Variants in DYNC1I1 observed in about 807,000 individuals in gnomAD.
DYNC1I1 encodes cytoplasmic dynein 1 intermediate chain 1.
A neutral mutation model predicts 86.6 loss-of-function variants in DYNC1I1; 43 were observed. That is an observed-to-expected ratio of 0.50 (90% CI 0.39 to 0.64). The LOEUF is 0.64. Ranked by LOEUF, DYNC1I1 falls within the 30% of genes least tolerant of loss-of-function variation. The probability of loss-of-function intolerance (pLI) is 0.00; values close to 1 mark genes in which losing one functional copy is unlikely to be tolerated. For missense variants in DYNC1I1, 604 were observed against 788.8 expected (o/e 0.77, Z 2.81); for synonymous variants, 262 against 283.7 (o/e 0.92, Z 0.77).
intron 14 of DYNC1I1, among the ~76,000 whole-genome samples, chr7:96,052,923 TCTC>T (rs1292358056): frequency 2.0e-5 from 3 of 152,120 alleles, no homozygotes; most frequent in African/African-American, 4.8e-5. Context: ...CATCTTACCT[TCTC>T]CTCAGTATTT....
chr7:95,843,732 A>G (rs894261169), intron 5 of DYNC1I1, among the ~76,000 whole-genome samples: 1 of 152,224 alleles, frequency 6.6e-6, no homozygotes, highest in African/African-American at 2.4e-5. Context: ...AAAATTGTAA[A>G]TAAAATGAGA....
chr7:95,888,545 A>T (rs1364276419), intron 6 of DYNC1I1, among the ~76,000 whole-genome samples: 1 of 152,324 alleles, frequency 6.6e-6, no homozygotes, highest in African/African-American at 2.4e-5. Context: ...CTTTGCCACC[A>T]TTGACCACCA....
chr7:95,784,241 A>C (rs1794070021), intron 1 of DYNC1I1, among the ~76,000 whole-genome samples: 1 of 151,918 alleles, frequency 6.6e-6, no homozygotes, highest in South Asian at 2.1e-4. Flanking sequence ...ACATTTCCTA[A>C]CTCCCCTGTT....
At chr7:95,834,473 A>T (rs1399302619) in intron 5 of DYNC1I1, among the ~76,000 whole-genome samples, 31 of 101,350 alleles carry the variant, frequency 3.1e-4, no homozygotes, top group East Asian at 3.4e-4. Context: ...TATCAGAATG[A>T]TGCTGGCCTC....
intron 16 of DYNC1I1, among the ~76,000 whole-genome samples, chr7:96,109,206 T>C (rs1357668791): frequency 2.0e-5 from 3 of 151,482 alleles, no homozygotes; most frequent in African/African-American, 7.3e-5. Context: ...CCTGCTTTCT[T>C]TTTTTTTAAT....
In DYNC1I1 at chr7:95,818,394, C is replaced by T. The variant is rs750385499; in HGVS notation, c.314+5057C>T. 102 of 503,238 alleles carry T rather than the reference C, an allele frequency of 2.0e-4. 3 individuals are homozygous for T. The East Asian group carries it at 2.3e-3, about 11-fold the overall frequency. 31.2% of individuals were successfully genotyped at this position (503,238 alleles called of 1,614,324 possible). ...TTAGCTCAATGAAGCCTCGAATTCC[C>T]GGGATCAAGCTATTCTCCCACTTCA... On this transcript the variant is annotated intron_variant, in intron 4 of 16. Coordinates refer to ENST00000447467, the MANE Select transcript of DYNC1I1 (RefSeq NM_001135556.2).
At chr7:96,074,986 A>G (rs73232556) in intron 14 of DYNC1I1, among the ~76,000 whole-genome samples, 25,781 of 152,232 alleles carry the variant, frequency 0.17, 2,354 homozygotes, top group South Asian at 0.28. Flanking sequence ...CTGTCAGAGG[A>G]TATAAGAATA....
chr7:95,946,210 C>T (rs1056499749), intron 6 of DYNC1I1, among the ~76,000 whole-genome samples: 5 of 151,890 alleles, frequency 3.3e-5, no homozygotes. Flanking sequence ...GGGCTTAATA[C>T]CTAGGTGATG....
At chr7:95,917,610 C>T (rs1316616129) in intron 6 of DYNC1I1, among the ~76,000 whole-genome samples, 1 of 152,180 alleles carries the variant, frequency 6.6e-6, no homozygotes, top group African/African-American at 2.4e-5. Context: ...TTGCTGAAGA[C>T]GTTGTGGTGA....
At chr7:96,066,294 A>G (rs1038873202) in intron 14 of DYNC1I1, among the ~76,000 whole-genome samples, 1 of 152,208 alleles carries the variant, frequency 6.6e-6, no homozygotes, top group African/African-American at 2.4e-5. Context: ...CACCTGTCCT[A>G]GATAATACCA....
rs1794879928 is a variant in DYNC1I1, at chr7:95,813,504, ATGATCT to A, written c.314+171_314+176del. ...GCTTGCTATTTTTAGTGGAATAGCA[ATGATCT>A]TGAACACTAGAAATGATCAACATAT... On this transcript the variant is annotated intron_variant, in intron 4 of 16. Transcript: ENST00000447467. Among the ~76,000 whole-genome samples the A allele has an allele frequency of 7.2e-5, 11 of 152,272 alleles. No homozygotes were observed. In the South Asian group the frequency reaches 2.3e-3, roughly 32 times the overall value.
intron 10 of DYNC1I1, among the ~76,000 whole-genome samples, chr7:96,015,680 T>C (rs1794383954): frequency 6.6e-6 from 1 of 152,174 alleles, no homozygotes. Context: ...GGGAATTGCC[T>C]TCAGCTTAGA....
intron 6 of DYNC1I1, among the ~76,000 whole-genome samples, chr7:95,877,396 G>A (rs1019147147): frequency 6.6e-6 from 1 of 152,122 alleles, no homozygotes; most frequent in Non-Finnish European, 1.5e-5. Context: ...AGAAGCAATA[G>A]CAGTACCCTA....
intron 16 of DYNC1I1, among the ~76,000 whole-genome samples, chr7:96,105,247 A>T (rs1791198511): frequency 6.6e-6 from 1 of 151,994 alleles, no homozygotes; most frequent in Non-Finnish European, 1.5e-5. Flanking sequence ...ATACACAATT[A>T]TGCCATCTGA....
intron 6 of DYNC1I1, among the ~76,000 whole-genome samples, chr7:95,903,344 G>T (rs992036899): frequency 1.3e-5 from 2 of 152,176 alleles, no homozygotes; most frequent in Non-Finnish European, 2.9e-5. Context: ...ATTTAGGGAA[G>T]TGTTCATTTT....
At chr7:95,820,101 G>A (rs1479239997) in intron 4 of DYNC1I1, among the ~76,000 whole-genome samples, 1 of 152,188 alleles carries the variant, frequency 6.6e-6, no homozygotes, top group Non-Finnish European at 1.5e-5. Flanking sequence ...TAGGGCTCAG[G>A]TGTTAGCCAA....
intron 16 of DYNC1I1, among the ~76,000 whole-genome samples, chr7:96,085,476 G>A (rs1790651076): frequency 6.6e-6 from 1 of 152,088 alleles, no homozygotes; most frequent in South Asian, 2.1e-4. Flanking sequence ...TAGGTCACAT[G>A]ATGCTGTGTT....
intron 5 of DYNC1I1, among the ~76,000 whole-genome samples, chr7:95,860,990 G>A (rs1470899070): frequency 6.6e-6 from 1 of 152,040 alleles, no homozygotes; most frequent in Non-Finnish European, 1.5e-5. Context: ...AATTTTGGAG[G>A]AGACACATTC....
intron 6 of DYNC1I1, among the ~76,000 whole-genome samples, chr7:95,872,008 C>T (rs1184181768): frequency 2.2e-4 from 34 of 152,202 alleles, no homozygotes. Context: ...AGCAAACTGC[C>T]CCTCACCACA....
Sources: gnomAD v4.1 joint callset for allele counts (sites outside exome capture counted in the v4.1 genomes callset) on GRCh38, gnomAD v4.1.1 for gene constraint, MANE v1.5 for transcripts, NCBI Gene and HGNC (gene_info 2026-07-23, HGNC 2026-07-21) for gene names.